GALNT13: variants seen among roughly 807,000 people sequenced by gnomAD.
The protein encoded by GALNT13 is polypeptide N-acetylgalactosaminyltransferase 13.
GALNT13 carries 28 observed loss-of-function variants against 64.2 expected under a neutral mutation model. The ratio of observed to expected loss-of-function variants is 0.44; its 90% CI spans 0.32 to 0.60. The LOEUF is 0.60. GALNT13 is among the 20% of genes least tolerant of loss of function. GALNT13 has a pLI of 0.05. For missense variants in GALNT13, 577 were observed against 669.8 expected, an observed-to-expected ratio of 0.86 and a Z score of 1.53; for synonymous variants, 214 against 224.6, an observed-to-expected ratio of 0.95 and a Z score of 0.42.
At chr2:154,149,616 A>G (rs1315105482) in intron 4 of GALNT13, among the ~76,000 whole-genome samples, 3 of 151,946 alleles carry the variant, frequency 2.0e-5, no homozygotes, top group Admixed American at 6.6e-5. Flanking sequence ...GCAGTGGTTT[A>G]TGGTTCTCCT....
chr2:153,478,512 G>A, the GALNT13 span: 3 of 1,608,726 alleles, frequency 1.9e-6, no homozygotes, highest in East Asian at 2.2e-5. Context: ...CCTCGCTGCT[G>A]TTGGCCAGGA....
chr2:153,848,730 T>A, the GALNT13 span, among the ~76,000 whole-genome samples: 5 of 152,036 alleles, frequency 3.3e-5, no homozygotes, highest in East Asian at 5.8e-4. Context: ...TACAAACTTT[T>A]AAAAAATCTT....
chr2:153,372,079 TTC>T, the GALNT13 span, among the ~76,000 whole-genome samples: 2 of 152,214 alleles, frequency 1.3e-5, no homozygotes, highest in African/African-American at 4.8e-5. Flanking sequence ...GTTGTCAATA[TTC>T]TCTGTTTCTG....
In GALNT13 at chr2:154,129,272, A is replaced by G. The variant is rs796235931; in HGVS notation, c.143-11065A>G. On this transcript the variant is annotated intron_variant, in intron 3 of 12. Coordinates refer to ENST00000392825, the MANE Select transcript of GALNT13 (RefSeq NM_052917.4). ...CAAACCATATTCTATGAAAACTGACAAAGTGATTATCAGGAAAGAAAGCAA... is the reference window on the plus strand; with the variant it reads ...CAAACCATATTCTATGAAAACTGACGAAGTGATTATCAGGAAAGAAAGCAA... Among the ~76,000 whole-genome samples, 17 of 152,296 alleles carry G rather than the reference A, an allele frequency of 1.1e-4. 1 individual carries two copies. The highest frequency in any genetic ancestry group is 4.1e-4 in the African/African-American group (17 of 41,576).
At chr2:154,250,582 T>G (rs1176283716) in intron 7 of GALNT13, among the ~76,000 whole-genome samples, 1 of 152,072 alleles carries the variant, frequency 6.6e-6, no homozygotes, top group Non-Finnish European at 1.5e-5. Flanking sequence ...TCCTGACACC[T>G]TCTGCCAATT....
intron 3 of GALNT13, among the ~76,000 whole-genome samples, chr2:153,950,666 A>G (rs569788727): frequency 1.5e-3 from 223 of 152,258 alleles, no homozygotes; most frequent in African/African-American, 5.1e-3. Flanking sequence ...CTATTAATGG[A>G]AAAGTTGATT....
At chr2:153,957,709 G>C (rs1281845776) in intron 3 of GALNT13, among the ~76,000 whole-genome samples, 1 of 152,170 alleles carries the variant, frequency 6.6e-6, no homozygotes, top group East Asian at 1.9e-4. Flanking sequence ...ATAACTCTTA[G>C]GGGGCAGGGG....
the GALNT13 span, among the ~76,000 whole-genome samples, chr2:153,267,900 T>G: frequency 0.83 from 126,361 of 152,026 alleles, 53,758 homozygotes; most frequent in African/African-American, 0.93. Flanking sequence ...AACCTCTCAC[T>G]AGAACAGCAT....
the GALNT13 span, among the ~76,000 whole-genome samples, chr2:153,419,330 A>T: frequency 4.7e-4 from 71 of 152,334 alleles, no homozygotes; most frequent in Non-Finnish European, 9.6e-4. Flanking sequence ...GGTCTGTCCC[A>T]TGACACGTGG....
chr2:153,156,630 C>T, the GALNT13 span, among the ~76,000 whole-genome samples: 2 of 152,096 alleles, frequency 1.3e-5, no homozygotes, highest in African/African-American at 4.8e-5. Flanking sequence ...ATACTGATAA[C>T]TCAATGTTAA....
At chr2:153,877,987 G>A (rs534414217) in intron 1 of GALNT13, among the ~76,000 whole-genome samples, 1 of 152,206 alleles carries the variant, frequency 6.6e-6, no homozygotes, top group African/African-American at 2.4e-5. Context: ...GCTAATATGT[G>A]TGAGCATCAA....
chr2:153,221,586 G>A, the GALNT13 span, among the ~76,000 whole-genome samples: 1 of 152,152 alleles, frequency 6.6e-6, no homozygotes, highest in Non-Finnish European at 1.5e-5. Context: ...AGTTTTGCTC[G>A]GGCCTGCTTG....
the GALNT13 span, among the ~76,000 whole-genome samples, chr2:153,676,187 C>T: frequency 3.9e-5 from 6 of 152,028 alleles, no homozygotes; most frequent in Non-Finnish European, 7.4e-5. Flanking sequence ...AGGACATTAC[C>T]ATCAATTCAC....
chr2:154,355,565 T>A (rs1007480840), intron 9 of GALNT13, among the ~76,000 whole-genome samples: 12 of 152,094 alleles, frequency 7.9e-5, no homozygotes, highest in African/African-American at 2.9e-4. Context: ...GACTAAGATA[T>A]AATATGATAT....
chr2:154,105,956 T>G lies in GALNT13; in HGVS notation c.143-34381T>G, dbSNP rs187174546. ...CTGTGGCACTCATATAATCAGTAAG[T>G]CAAGGAAGCAAAAAAATGACAAACT... On this transcript the variant is annotated intron_variant, in intron 3 of 12. Transcript: ENST00000392825. Among the ~76,000 whole-genome samples the G allele has an allele frequency of 9.3e-4, 141 of 152,286 alleles. 1 individual carries two copies. The highest frequency in any genetic ancestry group is 3.1e-3 in the African/African-American group (128 of 41,580).
At chr2:153,397,391 A>T in the GALNT13 span, among the ~76,000 whole-genome samples, 1 of 152,242 alleles carries the variant, frequency 6.6e-6, no homozygotes, top group East Asian at 1.9e-4. Context: ...GGGAAGAACC[A>T]CTATGAATCA....
chr2:153,774,258 T>G, the GALNT13 span, among the ~76,000 whole-genome samples: 1 of 152,080 alleles, frequency 6.6e-6, no homozygotes, highest in Non-Finnish European at 1.5e-5. Flanking sequence ...CAAGAGTAAA[T>G]GCTTAGTAAA....
At chr2:153,501,026 T>TATTTCAGG in the GALNT13 span, among the ~76,000 whole-genome samples, 1 of 151,962 alleles carries the variant, frequency 6.6e-6, no homozygotes, top group Non-Finnish European at 1.5e-5. Flanking sequence ...GTCTTCCGGA[T>TATTTCAGG]ATTTCAGGGG....
the GALNT13 span, among the ~76,000 whole-genome samples, chr2:153,439,815 C>T: frequency 6.6e-6 from 1 of 152,154 alleles, no homozygotes. Context: ...TGGTGCACTG[C>T]ACCCACTGTC....
Sources: gnomAD v4.1 joint callset for allele counts (sites outside exome capture counted in the v4.1 genomes callset) on GRCh38, gnomAD v4.1.1 for gene constraint, MANE v1.5 for transcripts, NCBI Gene and HGNC (gene_info 2026-07-23, HGNC 2026-07-21) for gene names.